The following RNF150 variants were observed in gnomAD, a reference collection of about 807,000 sequenced individuals.
RNF150 encodes ring finger protein 150.
RNF150 carries 24 observed loss-of-function variants against 39.3 expected under a neutral mutation model. That is an observed-to-expected ratio of 0.61 (90% confidence interval 0.44 to 0.86). The LOEUF (loss-of-function observed/expected upper bound fraction) is 0.86, where lower values mean the gene tolerates loss of function less well. Ranked by LOEUF, RNF150 falls within the 40% of genes least tolerant of loss-of-function variation. RNF150 has a pLI of 0.00. For synonymous variants in RNF150, 255 were observed against 227.3 expected (o/e 1.12, Z -1.10); for missense variants, 502 against 587.8 (o/e 0.85, Z 1.51).
intron 1 of RNF150, among the ~76,000 whole-genome samples, chr4:141,141,594 AT>A (rs1024377913): frequency 1.3e-5 from 2 of 152,230 alleles, no homozygotes; most frequent in African/African-American, 2.4e-5. Context: ...CGAGGCCAGG[AT>A]TTCAAGACCA....
chr4:141,185,198 A>G (rs1163321392), intron 1 of RNF150, among the ~76,000 whole-genome samples: 1 of 151,866 alleles, frequency 6.6e-6, no homozygotes, highest in Non-Finnish European at 1.5e-5. Flanking sequence ...GTCCTCTCTT[A>G]TTTCCTTGAG....
intron 6 of RNF150, among the ~76,000 whole-genome samples, chr4:140,875,163 G>T (rs868431676): frequency 1.5e-3 from 179 of 122,570 alleles, no homozygotes; most frequent in Middle Eastern, 9.1e-3. Flanking sequence ...CAATCATTAC[G>T]TTTTTTTTTT....
chr4:140,895,506 G>A (rs564080469), intron 6 of RNF150, among the ~76,000 whole-genome samples: 1 of 152,214 alleles, frequency 6.6e-6, no homozygotes, highest in South Asian at 2.1e-4. Context: ...TGTTCATCAA[G>A]ATAGGAAAAT....
intron 1 of RNF150, among the ~76,000 whole-genome samples, chr4:141,097,805 G>C (rs1373692416): frequency 2.6e-5 from 4 of 151,252 alleles, no homozygotes; most frequent in Middle Eastern, 3.2e-3. Flanking sequence ...TATTTTTTAC[G>C]GTAGTTTTTT....
At position 140,928,443 on chromosome 4, in the gene RNF150, A is replaced by T. The variant is rs548347631; in HGVS notation, c.891-2370T>A. Reference sequence around the variant, plus strand: ...GCAGGGAGGGAGGGGGAGCAAGGAGAAGGGGGTGTCTGGCACCCAAGTTGG... The same window carrying T: ...GCAGGGAGGGAGGGGGAGCAAGGAGTAGGGGGTGTCTGGCACCCAAGTTGG... On this transcript the variant is annotated intron_variant, in intron 4 of 6. Coordinates refer to ENST00000515673, the MANE Select transcript of RNF150 (RefSeq NM_020724.2). Among the ~76,000 whole-genome samples the T allele has an allele frequency of 3.6e-3, 541 of 152,178 alleles. 2 individuals are homozygous for T. Among genetic ancestry groups the T allele is most frequent in the Non-Finnish European group, 6.2e-3 (422 of 67,992 alleles).
chr4:140,888,593 A>G (rs926787547), intron 6 of RNF150, among the ~76,000 whole-genome samples: 4 of 152,210 alleles, frequency 2.6e-5, no homozygotes, highest in Non-Finnish European at 4.4e-5. Context: ...AAATGAGGTA[A>G]GCTGCTCAAC....
Position 140,860,768 on chromosome 4 carries a change from A to G in RNF150, c.*7493T>C, listed in dbSNP as rs1560934562. Reference sequence around the variant, plus strand: ...AGATTTTTTTCTAGTGGGAAATAATATGCTGTACAAAGTGGTTAAAATAAG... The same window carrying G: ...AGATTTTTTTCTAGTGGGAAATAATGTGCTGTACAAAGTGGTTAAAATAAG... On this transcript the variant is annotated 3_prime_UTR_variant, in exon 7 of 7. Coordinates refer to ENST00000515673, the MANE Select transcript of RNF150 (RefSeq NM_020724.2). 1 of 152,208 alleles carries G rather than the reference A, an allele frequency of 6.6e-6. No individual in the cohort carries two copies. The highest frequency in any genetic ancestry group is 1.5e-5 in the Non-Finnish European group (1 of 68,036). 9.4% of individuals were successfully genotyped at this position (152,208 alleles called of 1,614,324 possible). A position where few individuals can be genotyped will look rare whatever the true frequency, so the allele number is the denominator to read the frequency against.
chr4:141,003,933 C>T (rs1734767135), intron 1 of RNF150, among the ~76,000 whole-genome samples: 1 of 152,066 alleles, frequency 6.6e-6, no homozygotes, highest in Non-Finnish European at 1.5e-5. Flanking sequence ...GAGAAGCCCA[C>T]CCGCATCAGG....
intron 6 of RNF150, among the ~76,000 whole-genome samples, chr4:140,869,992 G>A (rs889165468): frequency 1.3e-5 from 2 of 152,000 alleles, no homozygotes; most frequent in Non-Finnish European, 2.9e-5. Flanking sequence ...GAATAATAAT[G>A]GTTATAATAC....
chr4:141,068,195 T>A (rs1208068189), intron 1 of RNF150, among the ~76,000 whole-genome samples: 3 of 152,168 alleles, frequency 2.0e-5, no homozygotes, highest in Non-Finnish European at 4.4e-5. Flanking sequence ...TCTGCCCGCC[T>A]TGGCCTCCCA....
chr4:140,918,460 T>C (rs1295811308), intron 5 of RNF150, among the ~76,000 whole-genome samples: 2 of 152,154 alleles, frequency 1.3e-5, no homozygotes, highest in East Asian at 3.8e-4. Context: ...CCTGGACACA[T>C]ACACCCTCCT....
chr4:141,107,283 AT>A (rs1192174394), intron 1 of RNF150, among the ~76,000 whole-genome samples: 5 of 152,198 alleles, frequency 3.3e-5, no homozygotes, highest in African/African-American at 4.8e-5. Flanking sequence ...CTTTTATAGC[AT>A]TTTTTATATA....
intron 1 of RNF150, among the ~76,000 whole-genome samples, chr4:141,165,597 T>A (rs1266867173): frequency 1.3e-5 from 2 of 152,054 alleles, no homozygotes; most frequent in East Asian, 3.9e-4. Flanking sequence ...TAACAAACAG[T>A]CTCTCAGACC....
chr4:141,065,763 T>A (rs1050532865), intron 1 of RNF150, among the ~76,000 whole-genome samples: 5 of 152,016 alleles, frequency 3.3e-5, no homozygotes, highest in African/African-American at 1.2e-4. Flanking sequence ...GGGTATGATA[T>A]TAACATTCAC....
In RNF150 at chr4:140,863,555, T is replaced by C. The variant is rs1205712910; in HGVS notation, c.*4706A>G. The C allele has an allele frequency of 6.6e-6, 1 of 152,140 alleles. No individual in the cohort carries two copies. Among genetic ancestry groups the C allele is most frequent in the African/African-American group, 2.4e-5 (1 of 41,442 alleles). 9.4% of individuals were successfully genotyped at this position (152,140 alleles called of 1,614,324 possible). On this transcript the variant is annotated 3_prime_UTR_variant, in exon 7 of 7. Coordinates refer to ENST00000515673, the MANE Select transcript of RNF150 (RefSeq NM_020724.2). ...GGTATAGAACCTCCAGTTTTTTGTG[T>C]TCTGAAGGTTATTTCAGAGTTTCTT... is the stretch of plus-strand genomic sequence containing the variant.
At chr4:140,967,959 C>G (rs1323779618) in intron 1 of RNF150, 86 bp from the exon 2 acceptor site, 2 of 1,205,108 alleles carry the variant, frequency 1.7e-6, no homozygotes, top group African/African-American at 3.0e-5. Context: ...CACAGTAACA[C>G]GAAACCAAAT....
In RNF150 at chr4:140,922,217, A is replaced by C. The variant is rs1731184874; in HGVS notation, c.987+3760T>G. 2.7e-5 allele frequency among the ~76,000 whole-genome samples: 4 copies of C among 150,500 alleles called. No homozygotes were observed. The Admixed American group carries it at 2.7e-4, about 10-fold the overall frequency. On this transcript the variant is annotated intron_variant, in intron 5 of 6. Transcript: ENST00000515673. ...GATGACATGATTGTATATCTAGAAA[A>C]CCCCATCGTCTCAGCCCAAAATCTT...
chr4:141,102,094 A>C (rs775245463), intron 1 of RNF150, among the ~76,000 whole-genome samples: 46 of 152,104 alleles, frequency 3.0e-4, no homozygotes, highest in Admixed American at 5.2e-4. Flanking sequence ...CTCCGTTATA[A>C]TCTTATGGGA....
At chr4:141,093,283 G>A (rs886860184) in intron 1 of RNF150, among the ~76,000 whole-genome samples, 7 of 151,100 alleles carry the variant, frequency 4.6e-5, no homozygotes, top group African/African-American at 1.2e-4. Context: ...GGAGAATGGC[G>A]TGAACCTGGG....
Sources: gnomAD v4.1 joint callset for allele counts (sites outside exome capture counted in the v4.1 genomes callset) on GRCh38, gnomAD v4.1.1 for gene constraint, MANE v1.5 for transcripts, NCBI Gene and HGNC (gene_info 2026-07-23, HGNC 2026-07-21) for gene names.